Variants in GTF3C1 observed in about 807,000 individuals in gnomAD.
The protein encoded by GTF3C1 is general transcription factor IIIC subunit 1.
GTF3C1 carries 57 observed loss-of-function variants against 226.7 expected under a neutral mutation model. That is an observed-to-expected ratio of 0.25 (90% CI 0.20 to 0.31). The LOEUF (loss-of-function observed/expected upper bound fraction) is 0.31, where lower values mean the gene tolerates loss of function less well. Among genes scored for constraint, GTF3C1 ranks in the 10% least tolerant of loss-of-function variants. The pLI is 1.00. For missense variants in GTF3C1, 2,217 were observed against 2,776.1 expected (o/e 0.80, Z 4.53); for synonymous variants, 1,090 against 1,084.8 (o/e 1.00, Z -0.09).
chr16:27,464,512 C>A lies in GTF3C1; in HGVS notation c.5680G>T (p.Ala1894Ser), dbSNP rs192656991. 3.5e-5 allele frequency: 53 copies of A among 1,522,110 alleles called. No homozygotes were observed. In the Middle Eastern group the frequency reaches 5.3e-4, roughly 15 times the overall value. The allele number at this position is 1,522,110 out of a possible 1,614,324, so 94.3% of individuals were successfully genotyped here. A position where few individuals can be genotyped will look rare whatever the true frequency, so the allele number is the denominator to read the frequency against. The change falls in exon 34 of 37, where the codon GCC becomes TCC. Residue 1894 changes from alanine (A) to serine (S), a missense_variant. Physicochemically the swap from Ala to Ser is moderately conservative, Grantham distance 99. Transcript: ENST00000356183. ...TCAGCTCCGGGCCCAAGGCTGGGGG[C>A]CAAATTTGAGTCCTGGAGCGCTGGC... ...KRPALQDSNL[A>S]PSLGPGAEDG... is the part of the protein sequence containing the mutation.
intron 1 of GTF3C1, among the ~76,000 whole-genome samples, chr16:27,548,801 T>C (rs1308579894): frequency 1.3e-5 from 2 of 151,954 alleles, no homozygotes; most frequent in Non-Finnish European, 2.9e-5. Context: ...TTTAACGGAG[T>C]TTAATCAAGT....
At chr16:27,549,528 C>T in intron 1 of GTF3C1, 142 bp downstream of exon 1, 1 of 618,762 alleles carries the variant, frequency 1.6e-6, no homozygotes, top group Non-Finnish European at 2.8e-6. Context: ...CCCAGATTAG[C>T]CTTACCGCCG....
In GTF3C1 at chr16:27,507,303, G is replaced by A; in HGVS notation, c.1243-147C>T. On this transcript the variant is annotated intron_variant, in intron 8 of 36. Coordinates refer to ENST00000356183, the MANE Select transcript of GTF3C1 (RefSeq NM_001520.4). The surrounding 1 kb of genome is among the most constrained non-coding windows in gnomAD (Gnocchi z 4.9). ...GGGCCCTGGGTTGGGCACCACTGATGCTCCCTCCAGGCTCTTCCTCTCTGT... is the reference window on the plus strand; with the variant it reads ...GGGCCCTGGGTTGGGCACCACTGATACTCCCTCCAGGCTCTTCCTCTCTGT... The A allele has an allele frequency of 1.6e-6, 1 of 616,828 alleles. No homozygotes were observed. The highest frequency in any genetic ancestry group is 2.8e-6 in the Non-Finnish European group (1 of 352,578). The allele number at this position is 616,828 out of a possible 1,614,324, so 38.2% of individuals were successfully genotyped here.
At chr16:27,505,121 C>G (rs539166848) in intron 10 of GTF3C1, among the ~76,000 whole-genome samples, 1 of 152,124 alleles carries the variant, frequency 6.6e-6, no homozygotes, top group African/African-American at 2.4e-5. Flanking sequence ...TTAGGTGAAC[C>G]GAATCACATA....
intron 4 of GTF3C1, among the ~76,000 whole-genome samples, chr16:27,534,884 A>G (rs1176743482): frequency 1.3e-5 from 2 of 151,868 alleles, no homozygotes; most frequent in Non-Finnish European, 1.5e-5. Context: ...TATATTAGAA[A>G]ATATATAAAA....
At chr16:27,532,783 G>A (rs2088939088) in intron 5 of GTF3C1, among the ~76,000 whole-genome samples, 1 of 152,164 alleles carries the variant, frequency 6.6e-6, no homozygotes, top group Non-Finnish European at 1.5e-5. Flanking sequence ...CGAACTCCAG[G>A]GGAGAAATGG....
At chr16:27,514,621 A>G (rs1303776716) in intron 6 of GTF3C1, among the ~76,000 whole-genome samples, 2 of 151,718 alleles carry the variant, frequency 1.3e-5, no homozygotes, top group Admixed American at 1.3e-4. Context: ...TCCTAATAAC[A>G]CTACGACCAT....
intron 32 of GTF3C1, among the ~76,000 whole-genome samples, chr16:27,468,606 T>A (rs2141345924): frequency 6.6e-6 from 1 of 151,462 alleles, no homozygotes; most frequent in South Asian, 2.1e-4. Context: ...AGCAAGACCC[T>A]AAAAAATAGG....
At position 27,531,411 on chromosome 16, in the gene GTF3C1, A is replaced by G. The variant is rs539310925; in HGVS notation, c.849+1880T>C. ...TCTATGTGGGGAAAAGCCCAGCTCA[A>G]CTGTGCTTTTGGCACAGCTCTTTGA... On this transcript the variant is annotated intron_variant, in intron 5 of 36. Coordinates refer to ENST00000356183, the MANE Select transcript of GTF3C1 (RefSeq NM_001520.4). Among the ~76,000 whole-genome samples the G allele has an allele frequency of 7.2e-5, 11 of 152,256 alleles. No individual in the cohort carries two copies. In the South Asian group the frequency reaches 2.1e-3, roughly 29 times the overall value.
In GTF3C1 at chr16:27,507,204, C is replaced by T. The variant is rs2088499475; in HGVS notation, c.1243-48G>A. On this transcript the variant is annotated intron_variant, in intron 8 of 36. Transcript: ENST00000356183. This position sits in a 1 kb window ranked among gnomAD's most constrained non-coding sequence, Gnocchi z 4.9. ...ATCCCACTGCAAAGAGGGCGTCATACCCACAGGGGTTCAGGTGGTCTGTGG... is the reference window on the plus strand; with the variant it reads ...ATCCCACTGCAAAGAGGGCGTCATATCCACAGGGGTTCAGGTGGTCTGTGG... 1.5e-6 allele frequency: 2 copies of T among 1,373,584 alleles called. No homozygotes were observed. The highest frequency in any genetic ancestry group is 2.3e-5 in the East Asian group (1 of 43,400). The allele number at this position is 1,373,584 out of a possible 1,614,324, so 85.1% of individuals were successfully genotyped here.
At chr16:27,503,076 G>A in intron 10 of GTF3C1, 81 bp from the exon 11 acceptor site, 1 of 1,049,430 alleles carries the variant, frequency 9.5e-7, no homozygotes, top group Non-Finnish European at 1.4e-6. Flanking sequence ...GGGTGCACTG[G>A]CCCTCTTCAA....
intron 6 of GTF3C1, among the ~76,000 whole-genome samples, chr16:27,522,417 T>C (rs141086069): frequency 3.6e-4 from 55 of 152,378 alleles, no homozygotes; most frequent in African/African-American, 1.3e-3. Flanking sequence ...CATTTGACCA[T>C]AGATGTGTGA....
intron 5 of GTF3C1, among the ~76,000 whole-genome samples, chr16:27,532,594 A>G (rs973901821): frequency 1.3e-5 from 2 of 152,058 alleles, no homozygotes; most frequent in East Asian, 3.9e-4. Context: ...CTGGGGCCCA[A>G]AGACGAAGCA....
intron 28 of GTF3C1, among the ~76,000 whole-genome samples, chr16:27,477,764 A>G (rs2087975196): frequency 6.6e-6 from 1 of 152,224 alleles, no homozygotes; most frequent in African/African-American, 2.4e-5. Flanking sequence ...TGAGGAGTCA[A>G]AAGTTACATG....
intron 6 of GTF3C1, among the ~76,000 whole-genome samples, chr16:27,521,525 GA>G (rs1334453525): frequency 6.6e-6 from 1 of 152,256 alleles, no homozygotes; most frequent in Non-Finnish European, 1.5e-5. Context: ...CTTCCTGGGG[GA>G]GATCAGCGGG....
chr16:27,499,424 C>T (rs926885964), intron 12 of GTF3C1, among the ~76,000 whole-genome samples: 14 of 152,134 alleles, frequency 9.2e-5, no homozygotes, highest in Admixed American at 9.2e-4. Context: ...CAGGTGAGGA[C>T]GGCCAGGCCC....
intron 16 of GTF3C1, among the ~76,000 whole-genome samples, chr16:27,494,367 C>A (rs2088280128): frequency 6.7e-6 from 1 of 149,762 alleles, no homozygotes; most frequent in Non-Finnish European, 1.5e-5. Context: ...CGCCACTGCA[C>A]TCCAGCCTAG....
intron 6 of GTF3C1, among the ~76,000 whole-genome samples, chr16:27,528,101 C>T (rs916589070): frequency 2.6e-5 from 4 of 152,192 alleles, no homozygotes; most frequent in Non-Finnish European, 5.9e-5. Flanking sequence ...TGGCGAAACG[C>T]TGTCTCTACT....
At chr16:27,487,186 A>G (rs1385764155) in intron 23 of GTF3C1, among the ~76,000 whole-genome samples, 1 of 152,256 alleles carries the variant, frequency 6.6e-6, no homozygotes, top group Non-Finnish European at 1.5e-5. Context: ...TTTTAAGCCA[A>G]ATTGGTCTTA....
Sources: gnomAD v4.1 joint callset for allele counts (sites outside exome capture counted in the v4.1 genomes callset) on GRCh38, gnomAD v4.1.1 for gene constraint, Gnocchi (gnomAD v3.1) non-coding constraint, MANE v1.5 for transcripts, NCBI Gene and HGNC (gene_info 2026-07-23, HGNC 2026-07-21) for gene names.